The following ATG7 variants were observed in gnomAD, a reference collection of about 807,000 sequenced individuals.
The protein encoded by ATG7 is autophagy related 7.
ATG7 carries 70 observed loss-of-function variants against 82.4 expected under a neutral mutation model. That is an observed-to-expected ratio of 0.85 (90% CI 0.70 to 1.04). The LOEUF (loss-of-function observed/expected upper bound fraction) is 1.04. ATG7 is among the 50% of genes least tolerant of loss of function. ATG7 has a pLI of 0.00. For synonymous variants in ATG7, 287 were observed against 313.0 expected (o/e 0.92, Z 0.88); for missense variants, 792 against 864.3 (o/e 0.92, Z 1.05).
At chr3:11,538,408 C>T (rs760731700) in intron 20 of ATG7, among the ~76,000 whole-genome samples, 2 of 152,058 alleles carry the variant, frequency 1.3e-5, no homozygotes, top group African/African-American at 2.4e-5. Context: ...CGAGACAGAC[C>T]TATGTGTGGA....
chr3:11,475,235 A>G lies in ATG7; in HGVS notation c.2079+48309A>G, dbSNP rs556498405. On this transcript the variant is annotated intron_variant, in intron 20 of 20. Transcript: ENST00000693202. ...AATAGCTCCCATCTCTTGAATACCTACTGTGTTCCAGTCATGCGGGTTTAT... is the reference window on the plus strand; with the variant it reads ...AATAGCTCCCATCTCTTGAATACCTGCTGTGTTCCAGTCATGCGGGTTTAT... Among the ~76,000 whole-genome samples, 118 of 152,166 alleles carry G rather than the reference A, an allele frequency of 7.8e-4. 1 individual carries two copies. The highest frequency in any genetic ancestry group is 1.4e-3 in the Non-Finnish European group (95 of 67,990).
intron 20 of ATG7, among the ~76,000 whole-genome samples, chr3:11,445,091 T>C (rs1179036693): frequency 6.6e-6 from 1 of 152,222 alleles, no homozygotes; most frequent in East Asian, 1.9e-4. Flanking sequence ...GGAACGCTTA[T>C]ACACTATTGG....
chr3:11,310,629 C>T (rs1280618779), intron 7 of ATG7, among the ~76,000 whole-genome samples: 1 of 150,580 alleles, frequency 6.6e-6, no homozygotes, highest in African/African-American at 2.4e-5. Flanking sequence ...TTGGGTAATT[C>T]TGTAGTTTTT....
At position 11,360,997 on chromosome 3, in the gene ATG7, G is replaced by A. The variant is rs577260052; in HGVS notation, c.1683+213G>A. ...GTTCCTTGTTCACCAATATAAACGC[G>A]GCTACAAACCATATTTTTGGAAAGC... On this transcript the variant is annotated intron_variant, in intron 16 of 20. Transcript: ENST00000693202. Among the ~76,000 whole-genome samples, 18 of 152,178 alleles carry A rather than the reference G, an allele frequency of 1.2e-4. No individual in the cohort carries two copies. In the South Asian group the frequency reaches 2.1e-3, roughly 18 times the overall value.
At position 11,457,753 on chromosome 3, in the gene ATG7, A is replaced by T. The variant is rs142150650; in HGVS notation, c.2079+30827A>T. Among the ~76,000 whole-genome samples, 100 of 152,302 alleles carry T rather than the reference A, an allele frequency of 6.6e-4. 1 individual carries two copies. Among genetic ancestry groups the T allele is most frequent in the African/African-American group, 2.4e-3 (98 of 41,574 alleles). ...TGTGTTGGGAAGGATTGCTGAGGCC[A>T]GTTAATAAATAAATTAATACATTGG... is the stretch of plus-strand genomic sequence containing the variant. On this transcript the variant is annotated intron_variant, in intron 20 of 20. Coordinates refer to ENST00000693202, the MANE Select transcript of ATG7 (RefSeq NM_001349232.2).
intron 5 of ATG7, among the ~76,000 whole-genome samples, chr3:11,302,626 G>A (rs1371519530): frequency 6.6e-6 from 1 of 152,228 alleles, no homozygotes; most frequent in Non-Finnish European, 1.5e-5. Context: ...AATAAGCATG[G>A]AGAGGTAATC....
At chr3:11,535,830 C>T (rs188956007) in intron 20 of ATG7, among the ~76,000 whole-genome samples, 196 of 152,340 alleles carry the variant, frequency 1.3e-3, no homozygotes, top group Non-Finnish European at 2.1e-3. Context: ...CAGCTTCGCA[C>T]CCTTGCTTGA....
intron 3 of ATG7, among the ~76,000 whole-genome samples, chr3:11,287,788 G>A (rs761687444): frequency 3.9e-5 from 6 of 152,210 alleles, no homozygotes; most frequent in Non-Finnish European, 7.3e-5. Context: ...TCTGGCCTTC[G>A]CCCTCAGCGC....
At chr3:11,432,875 TC>T (rs1015073823) in intron 20 of ATG7, among the ~76,000 whole-genome samples, 7 of 152,110 alleles carry the variant, frequency 4.6e-5, no homozygotes, top group African/African-American at 1.4e-4. Flanking sequence ...AGATCCTGAC[TC>T]CCTATCCCTC....
chr3:11,503,161 G>A (rs1453071319), intron 20 of ATG7, among the ~76,000 whole-genome samples: 3 of 152,108 alleles, frequency 2.0e-5, no homozygotes, highest in African/African-American at 7.2e-5. Flanking sequence ...AGTTGTCGGG[G>A]GCTCTTTGAA....
At chr3:11,350,923 CAAAA>C (rs10709080) in intron 14 of ATG7, among the ~76,000 whole-genome samples, 2 of 57,616 alleles carry the variant, frequency 3.5e-5, no homozygotes, top group East Asian at 6.8e-4. Context: ...GACCCTAGCC[CAAAA>C]AAAAAAAAAA....
At chr3:11,344,473 T>C (rs2152780414) in intron 13 of ATG7, among the ~76,000 whole-genome samples, 1 of 152,374 alleles carries the variant, frequency 6.6e-6, no homozygotes, top group East Asian at 1.9e-4. Context: ...CAAGACAAAG[T>C]ATTCTAATGT....
At chr3:11,375,622 C>T (rs546285133) in intron 18 of ATG7, among the ~76,000 whole-genome samples, 5 of 152,320 alleles carry the variant, frequency 3.3e-5, no homozygotes, top group East Asian at 1.9e-4. Context: ...TGCAGTGGCA[C>T]GATCGCAGCT....
chr3:11,308,013 C>T (rs994888904), intron 6 of ATG7, among the ~76,000 whole-genome samples: 8 of 152,206 alleles, frequency 5.3e-5, no homozygotes, highest in African/African-American at 1.9e-4. Flanking sequence ...TGGAAAAAAG[C>T]AGGCTCTGCC....
chr3:11,559,204 A>G (rs986347063), downstream of ATG7: 5 of 1,412,198 alleles, frequency 3.5e-6, no homozygotes, highest in African/African-American at 1.5e-5. Flanking sequence ...GACGTGCTCA[A>G]GAAATACTTT....
intron 20 of ATG7, among the ~76,000 whole-genome samples, chr3:11,512,652 G>A (rs527706873): frequency 6.6e-6 from 1 of 152,310 alleles, no homozygotes; most frequent in African/African-American, 2.4e-5. Context: ...CAGGAGTGAA[G>A]CTGCAGACCT....
Position 11,327,764 on chromosome 3 carries a change from C to T in ATG7, c.679-3576C>T, listed in dbSNP as rs145111378. Among the ~76,000 whole-genome samples, 231 of 152,288 alleles carry T rather than the reference C, an allele frequency of 1.5e-3. 1 individual carries two copies. The highest frequency in any genetic ancestry group is 5.3e-3 in the African/African-American group (220 of 41,562). Reference sequence around the variant, plus strand: ...CAAGCATCTTCAAGTTTGAGATCCACGGCCATTAGAAGGTTGAGGAGGAGC... The same window carrying T: ...CAAGCATCTTCAAGTTTGAGATCCATGGCCATTAGAAGGTTGAGGAGGAGC... On this transcript the variant is annotated intron_variant, in intron 9 of 20. Coordinates refer to ENST00000693202, the MANE Select transcript of ATG7 (RefSeq NM_001349232.2).
In ATG7 at chr3:11,555,976, C is replaced by T. The variant is rs2072364622; in HGVS notation, c.*1133C>T. The T allele has an allele frequency of 6.5e-6, 1 of 152,744 alleles. No homozygotes were observed. The highest frequency in any genetic ancestry group is 1.5e-5 in the Non-Finnish European group (1 of 68,062). 9.5% of individuals were successfully genotyped at this position (152,744 alleles called of 1,614,324 possible). On this transcript the variant is annotated 3_prime_UTR_variant, in exon 21 of 21. Coordinates refer to ENST00000693202, the MANE Select transcript of ATG7 (RefSeq NM_001349232.2). ...CCAAGTTCCAGTGGCTGTCGTTCAGCTCATGGGAGCTTCATGGGGACACAG... is the reference window on the plus strand; with the variant it reads ...CCAAGTTCCAGTGGCTGTCGTTCAGTTCATGGGAGCTTCATGGGGACACAG...
At chr3:11,449,696 C>G (rs1008987975) in intron 20 of ATG7, among the ~76,000 whole-genome samples, 1 of 152,142 alleles carries the variant, frequency 6.6e-6, no homozygotes. Context: ...TTTCTAATCC[C>G]GTTGTCCCAG....
Sources: allele counts gnomAD v4.1 joint callset (sites outside exome capture counted in the v4.1 genomes callset), GRCh38; gene constraint gnomAD v4.1.1; transcripts MANE v1.5; gene names NCBI Gene and HGNC (gene_info 2026-07-23, HGNC 2026-07-21).